Variants in MDGA2 observed in about 807,000 individuals in gnomAD.
The protein encoded by MDGA2 is MAM domain-containing glycosylphosphatidylinositol anchor protein 2.
MDGA2 carries 40 observed loss-of-function variants against 117.8 expected under a neutral mutation model. The observed-to-expected ratio is 0.34, with a 90% confidence interval of 0.26 to 0.44. The LOEUF is 0.44. Ranked by LOEUF, MDGA2 falls within the 20% of genes least tolerant of loss-of-function variation. MDGA2 has a pLI of 1.00. For missense variants in MDGA2, 1,123 were observed against 1,250.6 expected, an observed-to-expected ratio of 0.90 and a Z score of 1.54; for synonymous variants, 452 against 439.0, an observed-to-expected ratio of 1.03 and a Z score of -0.37.
At chr14:47,417,707 T>C (rs1173329597) in intron 1 of MDGA2, among the ~76,000 whole-genome samples, 1 of 152,060 alleles carries the variant, frequency 6.6e-6, no homozygotes, top group Non-Finnish European at 1.5e-5. Context: ...CTCCTTCTGG[T>C]ACCAATTTTC....
At chr14:46,861,211 T>C (rs1251401956) in intron 14 of MDGA2, among the ~76,000 whole-genome samples, 1 of 151,896 alleles carries the variant, frequency 6.6e-6, no homozygotes, top group Admixed American at 6.6e-5. Context: ...AGACCTATTA[T>C]AGTTTGCTAA....
At chr14:47,116,402 GA>G (rs1180716222) in intron 5 of MDGA2, among the ~76,000 whole-genome samples, 3 of 151,602 alleles carry the variant, frequency 2.0e-5, no homozygotes, top group Non-Finnish European at 4.4e-5. Flanking sequence ...TACAGAAATA[GA>G]AAAAAAATTC....
intron 9 of MDGA2, among the ~76,000 whole-genome samples, chr14:46,927,690 T>C (rs1402831402): frequency 6.6e-6 from 1 of 152,226 alleles, no homozygotes; most frequent in African/African-American, 2.4e-5. Flanking sequence ...AGCGCGTTTG[T>C]ACTTGAGACA....
At chr14:46,944,846 T>A (rs1285637069) in intron 9 of MDGA2, among the ~76,000 whole-genome samples, 1 of 151,628 alleles carries the variant, frequency 6.6e-6, no homozygotes, top group Non-Finnish European at 1.5e-5. Context: ...AAAATCTGCA[T>A]TTTTCTTTAA....
intron 1 of MDGA2, among the ~76,000 whole-genome samples, chr14:47,591,628 G>A (rs984663643): frequency 2.6e-4 from 39 of 152,112 alleles, no homozygotes; most frequent in Admixed American, 1.8e-3. Context: ...CAGGATGCAA[G>A]TCTGGTTCAA....
At chr14:46,999,232 G>A (rs1887415380) in intron 8 of MDGA2, among the ~76,000 whole-genome samples, 1 of 151,640 alleles carries the variant, frequency 6.6e-6, no homozygotes, top group Admixed American at 6.6e-5. Context: ...GTAAAGCAAT[G>A]CAGTCCACCT....
rs569233682 is a variant in MDGA2 at position 47,540,106 on chromosome 14, G to T, written c.280+134411C>A. Among the ~76,000 whole-genome samples the T allele has an allele frequency of 3.8e-4, 58 of 152,064 alleles. No individual in the cohort carries two copies. The South Asian group carries it at 8.9e-3, about 23-fold the overall frequency. On this transcript the variant is annotated intron_variant, in intron 1 of 16. Coordinates refer to ENST00000399232, the MANE Select transcript of MDGA2 (RefSeq NM_001113498.3). ...CGGCTCACTGCAGGCTCCGCCCCCC[G>T]GGGTTCACGCCATTCATCTGCCTCA...
intron 1 of MDGA2, among the ~76,000 whole-genome samples, chr14:47,449,878 G>GA (rs1893204559): frequency 6.6e-6 from 1 of 152,008 alleles, no homozygotes; most frequent in African/African-American, 2.4e-5. Context: ...CTAAAAATGT[G>GA]AAAAAAATTT....
At position 47,301,556 on chromosome 14, in the gene MDGA2, G is replaced by C; in HGVS notation, c.281-6C>G. 1 of 1,551,456 alleles carries C rather than the reference G, an allele frequency of 6.4e-7. No homozygotes were observed. The highest frequency in any genetic ancestry group is 1.2e-5 in the South Asian group (1 of 84,038). Reference sequence around the variant, plus strand: ...AATACGAACCGTGGGAGGAGCTGTCGAGTCAGGAAGAAGAGAGACAAGATA... The same window carrying C: ...AATACGAACCGTGGGAGGAGCTGTCCAGTCAGGAAGAAGAGAGACAAGATA... On this transcript the variant is annotated splice_polypyrimidine_tract_variant and splice_region_variant and intron_variant, in intron 1 of 16. Coordinates refer to ENST00000399232, the MANE Select transcript of MDGA2 (RefSeq NM_001113498.3).
intron 1 of MDGA2, among the ~76,000 whole-genome samples, chr14:47,421,855 A>G (rs1316012430): frequency 1.3e-5 from 2 of 152,048 alleles, no homozygotes; most frequent in African/African-American, 2.4e-5. Flanking sequence ...ATTCTTTTTG[A>G]GTTTGTTTAG....
intron 1 of MDGA2, among the ~76,000 whole-genome samples, chr14:47,517,586 T>C (rs1894780100): frequency 6.6e-6 from 1 of 152,134 alleles, no homozygotes. Context: ...AGTATAAAAT[T>C]AGTCTATTCC....
rs558214630 is a variant in MDGA2 at position 47,661,967 on chromosome 14, C to T, written c.280+12550G>A. 7.2e-5 allele frequency among the ~76,000 whole-genome samples: 11 copies of T among 152,194 alleles called. 1 individual carries two copies. Among genetic ancestry groups the T allele is most frequent in the African/African-American group, 2.4e-4 (10 of 41,528 alleles). ...GGGCAGGCTGGTCTCGAGCTCCTGACTTCAGGTGATCCGCCTGCCTCGGCC... is the reference window on the plus strand; with the variant it reads ...GGGCAGGCTGGTCTCGAGCTCCTGATTTCAGGTGATCCGCCTGCCTCGGCC... On this transcript the variant is annotated intron_variant, in intron 1 of 16. Coordinates refer to ENST00000399232, the MANE Select transcript of MDGA2 (RefSeq NM_001113498.3).
chr14:47,069,466 A>T (rs1311929504), intron 6 of MDGA2, among the ~76,000 whole-genome samples: 1 of 152,190 alleles, frequency 6.6e-6, no homozygotes, highest in Non-Finnish European at 1.5e-5. Flanking sequence ...TGAACAGTTC[A>T]TTTGAGTTCT....
chr14:47,300,369 G>A (rs1044059033), intron 2 of MDGA2, among the ~76,000 whole-genome samples: 21 of 152,108 alleles, frequency 1.4e-4, no homozygotes, highest in African/African-American at 4.6e-4. Context: ...CAATTATTGA[G>A]TAAAACATCC....
chr14:46,913,160 T>C (rs1244805267), intron 10 of MDGA2, among the ~76,000 whole-genome samples: 7 of 152,164 alleles, frequency 4.6e-5, no homozygotes, highest in Admixed American at 2.6e-4. Context: ...TTTTAACGTT[T>C]TCTTAATTCC....
intron 1 of MDGA2, among the ~76,000 whole-genome samples, chr14:47,450,673 C>T (rs995842948): frequency 6.6e-6 from 1 of 151,924 alleles, no homozygotes; most frequent in Admixed American, 6.6e-5. Flanking sequence ...ATCTTCAGGA[C>T]AGTTACATAT....
chr14:47,377,418 C>T (rs1026005125), intron 1 of MDGA2, among the ~76,000 whole-genome samples: 1 of 152,106 alleles, frequency 6.6e-6, no homozygotes, highest in East Asian at 1.9e-4. Flanking sequence ...TGGGGCATCG[C>T]CTCATCCGGG....
At chr14:46,937,055 CA>C (rs979584952) in intron 9 of MDGA2, among the ~76,000 whole-genome samples, 3 of 151,696 alleles carry the variant, frequency 2.0e-5, no homozygotes, top group African/African-American at 7.3e-5. Context: ...AAGACTCTAC[CA>C]AAAAAACTCT....
chr14:47,108,968 T>C (rs971561731), intron 5 of MDGA2, among the ~76,000 whole-genome samples: 14 of 152,294 alleles, frequency 9.2e-5, no homozygotes, highest in African/African-American at 3.4e-4. Context: ...AAATTAGCAC[T>C]ACACATATCT....
Sources: allele counts gnomAD v4.1 joint callset (sites outside exome capture counted in the v4.1 genomes callset), GRCh38; gene constraint gnomAD v4.1.1; transcripts MANE v1.5; gene names NCBI Gene and HGNC (gene_info 2026-07-23, HGNC 2026-07-21).